WNT10B: variants seen among roughly 807,000 people sequenced by gnomAD.
WNT10B encodes Wnt family member 10B.
WNT10B carries 26 observed loss-of-function variants against 32.7 expected under a neutral mutation model. That is an observed-to-expected ratio of 0.79 (90% CI 0.58 to 1.10). WNT10B has a LOEUF of 1.10. WNT10B is among the 50% of genes least tolerant of loss of function. WNT10B has a pLI of 0.00. For synonymous variants in WNT10B, 204 were observed against 220.4 expected, an observed-to-expected ratio of 0.93 and a Z score of 0.66; for missense variants, 474 against 532.5, an observed-to-expected ratio of 0.89 and a Z score of 1.08.
At chr12:48,968,537 G>A (rs1940786553) in intron 3 of WNT10B, among the ~76,000 whole-genome samples, 1 of 152,206 alleles carries the variant, frequency 6.6e-6, no homozygotes. Context: ...AGGGAGGCAG[G>A]AGACGATGGG....
intron 3 of WNT10B, chr12:48,968,993 G>T: frequency 2.2e-6 from 1 of 453,090 alleles, no homozygotes; most frequent in Non-Finnish European, 4.6e-6. Context: ...GGAGGAGAGA[G>T]GTTGGGGAGT....
intron 4 of WNT10B, among the ~76,000 whole-genome samples, chr12:48,967,391 C>T (rs1940755656): frequency 6.6e-6 from 1 of 152,058 alleles, no homozygotes; most frequent in African/African-American, 2.4e-5. Context: ...GTCTCGATCT[C>T]CTCACCTCTT....
chr12:48,970,593 G>A lies in WNT10B; in HGVS notation c.-40-24C>T. 6.5e-7 allele frequency: 1 copy of A among 1,537,220 alleles called. No individual in the cohort carries two copies. On this transcript the variant is annotated intron_variant, in intron 1 of 4. Coordinates refer to ENST00000301061, the MANE Select transcript of WNT10B (RefSeq NM_003394.4). The surrounding 1 kb of genome is among the most constrained non-coding windows in gnomAD (Gnocchi z 5.0). The stretch of plus-strand genomic sequence containing the variant: ...ACCTGCGGGACGGGAGACTTGATGC[G>A]GGTTCAGGAATAGGGCGGCTCGCTT...
intron 3 of WNT10B, 121 bp from the exon 4 acceptor site, chr12:48,968,440 G>T (rs1940785552): frequency 2.1e-6 from 3 of 1,456,008 alleles, no homozygotes; most frequent in Non-Finnish European, 2.8e-6. Flanking sequence ...TCCTGACCCT[G>T]CCATTCACCA....
At chr12:48,968,397 GC>G (rs1005700520) in intron 3 of WNT10B, 78 bp from the exon 4 acceptor site, 5 of 1,582,496 alleles carry the variant, frequency 3.2e-6, no homozygotes, top group African/African-American at 1.3e-5. Context: ...GAAATAAACA[GC>G]CCCCCTCCAA....
In WNT10B at chr12:48,968,067, C is replaced by A; in HGVS notation, c.590G>T (p.Gly197Val). The A allele has an allele frequency of 1.9e-6, 3 of 1,614,268 alleles. No individual in the cohort carries two copies. Among genetic ancestry groups the A allele is most frequent in the Non-Finnish European group, 1.7e-6 (2 of 1,180,056 alleles). The change falls in exon 4 of 5, where the codon GGT becomes GTT. Residue 197 changes from glycine to valine, a missense_variant. Physicochemically the swap from Gly to Val is moderately radical, Grantham distance 109. Transcript: ENST00000301061. ...SPGPQDTWEW[G>V]GCNHDMDFGE... is the part of the protein sequence containing the mutation. ...AAAGTCCATGTCATGGTTACAGCCACCCCATTCCCATGTGTCCTGGGGGCC... is the reference window on the plus strand; with the variant it reads ...AAAGTCCATGTCATGGTTACAGCCAACCCATTCCCATGTGTCCTGGGGGCC...
At chr12:48,967,012 C>T (rs549522644) in intron 4 of WNT10B, among the ~76,000 whole-genome samples, 19 of 152,194 alleles carry the variant, frequency 1.2e-4, no homozygotes, top group East Asian at 3.9e-4. Flanking sequence ...TTTTTTGAGA[C>T]GGAGCCTTGC....
rs942540307 is a variant in WNT10B at position 48,965,392 on chromosome 12, G to C, written c.*703C>G. On this transcript the variant is annotated 3_prime_UTR_variant, in exon 5 of 5. Transcript: ENST00000301061. Reference sequence around the variant, plus strand: ...AAACAGGAACCAAGAACAAGTCTCAGTATGATAAATTATCCCTTCCCACCC... The same window carrying C: ...AAACAGGAACCAAGAACAAGTCTCACTATGATAAATTATCCCTTCCCACCC... 7.2e-5 allele frequency: 11 copies of C among 152,672 alleles called. No individual in the cohort carries two copies. The highest frequency in any genetic ancestry group is 7.2e-4 in the Admixed American group (11 of 15,278). 9.5% of individuals were successfully genotyped at this position (152,672 alleles called of 1,614,324 possible).
rs1249385794 is a variant in WNT10B at position 48,970,503 on chromosome 12, A to C, written c.27T>G (p.Pro9=). Residue 9 remains proline, a synonymous_variant, in exon 2 of 5, where the codon CCT becomes CCG. Coordinates refer to ENST00000301061, the MANE Select transcript of WNT10B (RefSeq NM_003394.4). The surrounding 1 kb of genome is among the most constrained non-coding windows in gnomAD (Gnocchi z 5.0). ...GGAGACCCGCGAGGCCCGAGGGCGG[A>C]GGCCGCGGCCGGGGCTCCTCCAGCA... is the stretch of plus-strand genomic sequence containing the variant. MLEEPRPR[P]PPSGLAGLLF... 1 of 1,602,108 alleles carries C rather than the reference A, an allele frequency of 6.2e-7. No homozygotes were observed. The highest frequency in any genetic ancestry group is 1.7e-5 in the Admixed American group (1 of 57,894).
In WNT10B at chr12:48,970,574, G is replaced by T. The variant is rs1940836344; in HGVS notation, c.-40-5C>A. Reference sequence around the variant, plus strand: ...GGTGGGCAGATCGATCAGGACCTGCGGGACGGGAGACTTGATGCGGGTTCA... The same window carrying T: ...GGTGGGCAGATCGATCAGGACCTGCTGGACGGGAGACTTGATGCGGGTTCA... On this transcript the variant is annotated splice_region_variant and splice_polypyrimidine_tract_variant and intron_variant, in intron 1 of 4. Transcript: ENST00000301061. The surrounding 1 kb of genome is among the most constrained non-coding windows in gnomAD (Gnocchi z 5.0). 2 of 1,549,910 alleles carry T rather than the reference G, an allele frequency of 1.3e-6. No individual in the cohort carries two copies. The highest frequency in any genetic ancestry group is 1.7e-6 in the Non-Finnish European group (2 of 1,144,390).
At chr12:48,967,228 C>A (rs1277374469) in intron 4 of WNT10B, among the ~76,000 whole-genome samples, 4 of 150,008 alleles carry the variant, frequency 2.7e-5, no homozygotes. Flanking sequence ...TGCAGTGGCA[C>A]GATCTAGGCT....
At position 48,965,454 on chromosome 12, in the gene WNT10B, A is replaced by G. The variant is rs1258074092; in HGVS notation, c.*641T>C. 2 of 152,746 alleles carry G rather than the reference A, an allele frequency of 1.3e-5. No individual in the cohort carries two copies. Among genetic ancestry groups the G allele is most frequent in the African/African-American group, 2.4e-5 (1 of 41,476 alleles). 9.5% of individuals were successfully genotyped at this position (152,746 alleles called of 1,614,324 possible). The stretch of plus-strand genomic sequence containing the variant: ...GAAGGAAAAAGAGGCTCCAAGAGTC[A>G]TGGGAAAACCCCTTCCTTTGGAGGG... On this transcript the variant is annotated 3_prime_UTR_variant, in exon 5 of 5. Transcript: ENST00000301061.
At chr12:48,968,377 G>C in intron 3 of WNT10B, 58 bp from the exon 4 acceptor site, 1 of 1,597,842 alleles carries the variant, frequency 6.3e-7, no homozygotes, top group Non-Finnish European at 8.5e-7. Context: ...TGAGAGTGTG[G>C]AGGCAGAAAG....
Position 48,968,209 on chromosome 12 carries a change from C to T in WNT10B, c.448G>A (p.Gly150Ser). The T allele has an allele frequency of 1.2e-6, 2 of 1,613,386 alleles. No homozygotes were observed. The highest frequency in any genetic ancestry group is 1.7e-6 in the Non-Finnish European group (2 of 1,180,040). Residue 150 changes from glycine (G) to serine (S), a missense_variant, in exon 4 of 5, where the codon GGC (glycine) becomes AGC (serine). Gly to Ser is a moderately conservative substitution (Grantham distance 56). Transcript: ENST00000301061. ...CTCAGCCGATCCTGCTCACCACTGC[C>T]CTTCCAGCCACAGCCACAGCTCACC... ...KLVSCGCGWK[G>S]SGEQDRLRAK...
At chr12:48,966,629 G>A in intron 4 of WNT10B, 76 bp from the exon 5 acceptor site, 1 of 1,540,838 alleles carries the variant, frequency 6.5e-7, no homozygotes, top group Non-Finnish European at 8.9e-7. Flanking sequence ...GAGAGGGAAG[G>A]GAACAGAGAA....
In WNT10B at chr12:48,968,012, A is replaced by G; in HGVS notation, c.645T>C (p.Asp215=). 1 of 1,614,256 alleles carries G rather than the reference A, an allele frequency of 6.2e-7. No homozygotes were observed. The highest frequency in any genetic ancestry group is 8.5e-7 in the Non-Finnish European group (1 of 1,180,042). The part of the protein sequence containing the change: ...FGEKFSRDFL[D]SREAPRDIQA... ...GGATGTCCCGGGGAGCTTCCCTGGA[A>G]TCCAAGAAATCCCGAGAGAACTTCT... The change falls in exon 4 of 5, where the codon GAT becomes GAC. Residue 215 remains aspartate, a synonymous_variant. Transcript: ENST00000301061.
chr12:48,966,301 G>A lies in WNT10B; in HGVS notation c.964C>T (p.Pro322Ser). Residue 322 changes from proline to serine, a missense_variant, in exon 5 of 5, where the codon CCC (proline) becomes TCC (serine). By Grantham distance (74) the Pro-to-Ser change is moderately conservative. Coordinates refer to ENST00000301061, the MANE Select transcript of WNT10B (RefSeq NM_003394.4). ...CTTGTCCCTGGGGAGCCCATAGTGG[G>A]GTCTCGCTCACAGAAGTCAGGAGAC... Reference protein sequence around the residue: ...EKSPDFCERDPTMGSPGTRGR... With the variant: ...EKSPDFCERDSTMGSPGTRGR... 1.9e-6 allele frequency: 3 copies of A among 1,614,174 alleles called. No homozygotes were observed. Among genetic ancestry groups the A allele is most frequent in the Non-Finnish European group, 2.5e-6 (3 of 1,180,026 alleles).
intron 3 of WNT10B, chr12:48,969,138 C>A: frequency 4.2e-6 from 2 of 470,838 alleles, no homozygotes; most frequent in South Asian, 3.1e-5. Flanking sequence ...TTCCCCTACA[C>A]CAGGCCCTGT....
chr12:48,966,699 G>A, intron 4 of WNT10B, 146 bp from the exon 5 acceptor site: 1 of 933,990 alleles, frequency 1.1e-6, no homozygotes, highest in Non-Finnish European at 1.7e-6. Flanking sequence ...AAAGGACATT[G>A]CAGTTAGCTA....
Sources: gnomAD v4.1 joint callset for allele counts (sites outside exome capture counted in the v4.1 genomes callset) on GRCh38, gnomAD v4.1.1 for gene constraint, Gnocchi (gnomAD v3.1) non-coding constraint, MANE v1.5 for transcripts, NCBI Gene and HGNC (gene_info 2026-07-23, HGNC 2026-07-21) for gene names.